The following GHR variants were observed in gnomAD, a reference collection of about 807,000 sequenced individuals.
GHR encodes GH receptor.
Under a neutral mutation model 67.1 loss-of-function variants are expected in GHR, and 35 were observed. The observed-to-expected ratio is 0.52, with a 90% CI of 0.40 to 0.69. The LOEUF (loss-of-function observed/expected upper bound fraction) is 0.69, where lower values mean the gene tolerates loss of function less well. Ranked by LOEUF, GHR falls within the 30% of genes least tolerant of loss-of-function variation. The pLI is 0.00. For missense variants in GHR, 792 were observed against 764.6 expected (o/e 1.04, Z -0.42); for synonymous variants, 272 against 269.1 (o/e 1.01, Z -0.10).
At chr5:42,537,912 C>T (rs935641961) in intron 1 of GHR, among the ~76,000 whole-genome samples, 1 of 152,074 alleles carries the variant, frequency 6.6e-6, no homozygotes, top group African/African-American at 2.4e-5. Flanking sequence ...TATATAGTGT[C>T]CCTGTTTGTC....
chr5:42,437,615 T>G (rs1743385899), intron 1 of GHR, among the ~76,000 whole-genome samples: 1 of 151,886 alleles, frequency 6.6e-6, no homozygotes, highest in South Asian at 2.1e-4. Flanking sequence ...TGGCGTGAAC[T>G]TGGCTCACTG....
chr5:42,592,859 A>C (rs996330937), intron 2 of GHR, among the ~76,000 whole-genome samples: 1 of 152,224 alleles, frequency 6.6e-6, no homozygotes, highest in African/African-American at 2.4e-5. Flanking sequence ...CATTCCTACA[A>C]GCAATATAAA....
intron 1 of GHR, among the ~76,000 whole-genome samples, chr5:42,564,021 A>G (rs945117966): frequency 2.0e-5 from 3 of 152,200 alleles, no homozygotes; most frequent in Admixed American, 6.5e-5. Flanking sequence ...AAAGGCCATC[A>G]GCTCAAGGCC....
intron 2 of GHR, among the ~76,000 whole-genome samples, chr5:42,575,783 C>A (rs1750628782): frequency 6.6e-6 from 1 of 151,010 alleles, no homozygotes; most frequent in Admixed American, 6.6e-5. Context: ...TGCCTGTAAT[C>A]CCAGCACTTT....
At chr5:42,631,826 G>A (rs1753943831) in intron 3 of GHR, among the ~76,000 whole-genome samples, 1 of 152,106 alleles carries the variant, frequency 6.6e-6, no homozygotes, top group African/African-American at 2.4e-5. Context: ...ATCCTAGCCA[G>A]AACTGACCAA....
chr5:42,426,705 G>A (rs938241695), intron 1 of GHR, among the ~76,000 whole-genome samples: 1 of 152,180 alleles, frequency 6.6e-6, no homozygotes, highest in East Asian at 1.9e-4. Context: ...AGTTTGGTAA[G>A]ACTGGAGTCA....
At chr5:42,609,244 A>G (rs532747986) in intron 2 of GHR, among the ~76,000 whole-genome samples, 1 of 152,234 alleles carries the variant, frequency 6.6e-6, no homozygotes, top group South Asian at 2.1e-4. Flanking sequence ...ATCATGGGAA[A>G]CCAGTCTTTT....
intron 1 of GHR, among the ~76,000 whole-genome samples, chr5:42,478,827 C>T (rs1196329244): frequency 6.6e-6 from 1 of 152,198 alleles, no homozygotes; most frequent in Non-Finnish European, 1.5e-5. Context: ...ATGTCCTCTG[C>T]AAACAGGGAC....
At chr5:42,641,422 C>T (rs1754470454) in intron 3 of GHR, among the ~76,000 whole-genome samples, 1 of 152,092 alleles carries the variant, frequency 6.6e-6, no homozygotes, top group Admixed American at 6.5e-5. Flanking sequence ...AATAAGGAGG[C>T]TTTGATGATC....
intron 3 of GHR, among the ~76,000 whole-genome samples, chr5:42,652,745 C>T (rs1237289942): frequency 2.6e-5 from 4 of 152,106 alleles, no homozygotes; most frequent in African/African-American, 4.8e-5. Context: ...GAGGTAGGTA[C>T]TGTTATCCCT....
intron 1 of GHR, among the ~76,000 whole-genome samples, chr5:42,540,899 G>A (rs1748485088): frequency 6.7e-6 from 1 of 150,234 alleles, no homozygotes; most frequent in African/African-American, 2.4e-5. Flanking sequence ...AGCAGATCTA[G>A]CACATTTTAA....
At chr5:42,712,683 G>C (rs183284841) in intron 7 of GHR, among the ~76,000 whole-genome samples, 2 of 151,984 alleles carry the variant, frequency 1.3e-5, no homozygotes, top group South Asian at 4.1e-4. Context: ...TCTGTGGTAA[G>C]AATACTGGGT....
At chr5:42,706,422 T>C (rs1168009189) in intron 6 of GHR, among the ~76,000 whole-genome samples, 1 of 152,212 alleles carries the variant, frequency 6.6e-6, no homozygotes, top group African/African-American at 2.4e-5. Context: ...TTTTTGTTTT[T>C]GTTGCAATTG....
intron 1 of GHR, among the ~76,000 whole-genome samples, chr5:42,474,322 A>AAAGAAAGAAAGAAAGAAAGG (rs1745184412): frequency 7.2e-6 from 1 of 137,940 alleles, no homozygotes; most frequent in Non-Finnish European, 1.5e-5. Context: ...AGAAAGAAAG[A>AAAGAAAGAAAGAAAGAAAGG]AAGAAAGAAA....
At chr5:42,629,571 G>A (rs763324805) in intron 3 of GHR, among the ~76,000 whole-genome samples, 6 of 132,170 alleles carry the variant, frequency 4.5e-5, no homozygotes, top group Non-Finnish European at 6.4e-5. Context: ...AATACAGCCT[G>A]CAGAACTGTG....
chr5:42,655,035 C>T (rs1755186820), intron 3 of GHR, among the ~76,000 whole-genome samples: 1 of 152,102 alleles, frequency 6.6e-6, no homozygotes, highest in African/African-American at 2.4e-5. Flanking sequence ...TCTCCAGCCC[C>T]AAGTCAACCT....
At chr5:42,554,944 T>C (rs1289020965) in intron 1 of GHR, among the ~76,000 whole-genome samples, 1 of 152,168 alleles carries the variant, frequency 6.6e-6, no homozygotes, top group Non-Finnish European at 1.5e-5. Flanking sequence ...CTGTTAGCAC[T>C]TTTCTAGGGA....
chr5:42,711,156 A>T, intron 6 of GHR, 51 bp from the exon 7 acceptor site: 1 of 1,355,424 alleles, frequency 7.4e-7, no homozygotes, highest in Non-Finnish European at 1.1e-6. Flanking sequence ...TGTTCATTGC[A>T]TTGAGTTGTT....
chr5:42,686,347 T>C (rs1423722025), intron 3 of GHR, among the ~76,000 whole-genome samples: 1 of 44,998 alleles, frequency 2.2e-5, no homozygotes, highest in African/African-American at 6.5e-5. Context: ...TACTGTAGCC[T>C]TGTAGTATGA....
Sources: allele counts gnomAD v4.1 joint callset (sites outside exome capture counted in the v4.1 genomes callset), GRCh38; gene constraint gnomAD v4.1.1; transcripts MANE v1.5; gene names NCBI Gene and HGNC (gene_info 2026-07-23, HGNC 2026-07-21).